TG: variants seen among roughly 807,000 people sequenced by gnomAD.
The protein encoded by TG is thyroid hormones.
In TG, 270 loss-of-function variants were observed where a neutral mutation model predicts 324.7. The ratio of observed to expected loss-of-function variants is 0.83; its 90% CI spans 0.75 to 0.92. The LOEUF (loss-of-function observed/expected upper bound fraction) is 0.92. Ranked by LOEUF, TG falls within the 40% of genes least tolerant of loss-of-function variation. TG has a pLI of 0.00. For missense variants in TG, 3,591 were observed against 3,456.4 expected (o/e 1.04, Z -0.98); for synonymous variants, 1,401 against 1,327.0 (o/e 1.06, Z -1.21).
At chr8:133,099,542 A>G (rs1848936445) in intron 43 of TG, among the ~76,000 whole-genome samples, 1 of 152,174 alleles carries the variant, frequency 6.6e-6, no homozygotes, top group Non-Finnish European at 1.5e-5. Flanking sequence ...GGTTTAGCCA[A>G]TGGCCCACTT....
Position 132,873,084 on chromosome 8 carries a change from A to G in TG, c.501A>G (p.Arg167=). 6.2e-7 allele frequency: 1 copy of G among 1,614,192 alleles called. No individual in the cohort carries two copies. Among genetic ancestry groups the G allele is most frequent in the Non-Finnish European group, 8.5e-7 (1 of 1,180,040 alleles). Residue 167 remains arginine, a synonymous_variant, in exon 5 of 48, where the codon AGA becomes AGG. Transcript: ENST00000220616. ...TAGGTCCAAGGAGCTGTGAAATAAG[A>G]AATCGTCGTCTTCTCCACGGGGTGG... The part of the protein sequence containing the change: ...PKRCPRSCEI[R]NRRLLHGVGD...
At chr8:133,065,750 G>C (rs1291220179) in intron 41 of TG, among the ~76,000 whole-genome samples, 1 of 151,546 alleles carries the variant, frequency 6.6e-6, no homozygotes, top group Non-Finnish European at 1.5e-5. Context: ...AAACAAGAGT[G>C]AAACTCCGTC....
chr8:133,035,406 T>C (rs1837008752), intron 41 of TG, among the ~76,000 whole-genome samples: 1 of 152,218 alleles, frequency 6.6e-6, no homozygotes, highest in South Asian at 2.1e-4. Context: ...CTCTGAAATT[T>C]ATTAGTACTT....
intron 11 of TG, among the ~76,000 whole-genome samples, chr8:132,896,547 A>T (rs932678181): frequency 1.3e-5 from 2 of 152,182 alleles, no homozygotes; most frequent in African/African-American, 2.4e-5. Flanking sequence ...CCCAAGTGCC[A>T]GCAGGAGTGG....
At chr8:132,940,334 T>C (rs767008132) in intron 25 of TG, among the ~76,000 whole-genome samples, 4 of 152,188 alleles carry the variant, frequency 2.6e-5, no homozygotes, top group Non-Finnish European at 4.4e-5. Flanking sequence ...GGCATAAGAA[T>C]GGGGCAGACA....
At chr8:133,035,022 G>A (rs1329004159) in intron 41 of TG, among the ~76,000 whole-genome samples, 1 of 152,076 alleles carries the variant, frequency 6.6e-6, no homozygotes, top group Non-Finnish European at 1.5e-5. Context: ...CTTCTCTATG[G>A]CTGTGTTTTC....
intron 22 of TG, among the ~76,000 whole-genome samples, chr8:132,925,786 C>T (rs1217714916): frequency 1.3e-5 from 2 of 152,152 alleles, no homozygotes; most frequent in Non-Finnish European, 2.9e-5. Context: ...CTCTTTGCAT[C>T]TCTGTCAATG....
intron 40 of TG, among the ~76,000 whole-genome samples, chr8:133,029,134 G>A (rs1480302502): frequency 1.3e-5 from 2 of 152,114 alleles, no homozygotes; most frequent in African/African-American, 4.8e-5. Flanking sequence ...AGGATCTACT[G>A]AATTCACAAG....
At chr8:133,071,181 G>A (rs1253961956) in intron 41 of TG, among the ~76,000 whole-genome samples, 1 of 152,228 alleles carries the variant, frequency 6.6e-6, no homozygotes, top group Non-Finnish European at 1.5e-5. Flanking sequence ...TTGAGGAATT[G>A]TGTGTCCTAG....
chr8:133,092,805 C>T (rs543321767), intron 41 of TG, among the ~76,000 whole-genome samples: 2 of 152,272 alleles, frequency 1.3e-5, no homozygotes, highest in African/African-American at 2.4e-5. Flanking sequence ...CTGAGTCAAC[C>T]GTTGGCTTGC....
At chr8:132,945,800 A>G (rs755835827) in intron 26 of TG, among the ~76,000 whole-genome samples, 5 of 152,156 alleles carry the variant, frequency 3.3e-5, no homozygotes, top group South Asian at 2.1e-4. Context: ...AGAGCGTTGC[A>G]TGGTGAGGAA....
At chr8:133,035,542 TA>T (rs1172599172) in intron 41 of TG, among the ~76,000 whole-genome samples, 1 of 152,232 alleles carries the variant, frequency 6.6e-6, no homozygotes, top group Non-Finnish European at 1.5e-5. Flanking sequence ...ATTTGTATAT[TA>T]AAATCTCCAA....
Position 132,869,729 on chromosome 8 carries a change from G to A in TG, c.177G>A (p.Gln59=). ...VPQCAEDGSF[Q]TVQCQNDGRS... ...CACCTGGTCTGTGTCTCCTCCTCAG[G>A]ACTGTCCAGTGCCAGAACGACGGCC... Residue 59 remains glutamine, a splice_region_variant and synonymous_variant, in exon 3 of 48, where the codon CAG becomes CAA. Transcript: ENST00000220616. 6.2e-7 allele frequency: 1 copy of A among 1,614,174 alleles called. No homozygotes were observed. Among genetic ancestry groups the A allele is most frequent in the Non-Finnish European group, 8.5e-7 (1 of 1,180,016 alleles).
At chr8:133,128,616 G>C (rs1424769859) in intron 45 of TG, among the ~76,000 whole-genome samples, 3 of 152,154 alleles carry the variant, frequency 2.0e-5, no homozygotes, top group African/African-American at 7.2e-5. Context: ...CAGTGGAAGT[G>C]GGACTTGCAC....
chr8:132,910,148 G>A (rs1454581478), intron 18 of TG, among the ~76,000 whole-genome samples: 1 of 152,162 alleles, frequency 6.6e-6, no homozygotes, highest in Non-Finnish European at 1.5e-5. Flanking sequence ...CAGGGGTGTG[G>A]CACTGGGTAT....
chr8:133,113,229 C>T (rs1418358998), intron 43 of TG, among the ~76,000 whole-genome samples, 193 bp from the exon 44 acceptor site: 1 of 152,140 alleles, frequency 6.6e-6, no homozygotes, highest in Non-Finnish European at 1.5e-5. Context: ...GAGGGATAGC[C>T]ATTTGCTTAA....
At chr8:133,049,564 A>G (rs1587882449) in intron 41 of TG, 1 of 314,214 alleles carries the variant, frequency 3.2e-6, no homozygotes, top group Non-Finnish European at 6.2e-6. Context: ...CAGAGGCAGG[A>G]TTTGAACCTA....
chr8:132,969,492 T>C lies in TG; in HGVS notation c.5898T>C (p.Thr1966=). Residue 1966 remains threonine (T), a synonymous_variant, in exon 32 of 48, where the codon ACT becomes ACC. Coordinates refer to ENST00000220616, the MANE Select transcript of TG (RefSeq NM_003235.5). ...AAGATAAAGTGAAGAACTTTTACACTCGCCTGCCGTTCCAAAAACTGATGG... is the reference window on the plus strand; with the variant it reads ...AAGATAAAGTGAAGAACTTTTACACCCGCCTGCCGTTCCAAAAACTGATGG... ...ILEDKVKNFY[T]RLPFQKLMGI... is the part of the protein sequence containing the mutation. 2 of 1,614,002 alleles carry C rather than the reference T, an allele frequency of 1.2e-6. No homozygotes were observed. Among genetic ancestry groups the C allele is most frequent in the South Asian group, 1.1e-5 (1 of 91,082 alleles).
At position 132,948,866 on chromosome 8, in the gene TG, C is replaced by G. The variant is rs754604734; in HGVS notation, c.5324C>G (p.Ala1775Gly). 26 of 1,613,952 alleles carry G rather than the reference C, an allele frequency of 1.6e-5. No homozygotes were observed. The African/African-American group carries it at 3.5e-4, about 22-fold the overall frequency. Residue 1775 changes from alanine to glycine, a missense_variant, in exon 27 of 48, where the codon GCT (alanine) becomes GGT (glycine). Coordinates refer to ENST00000220616, the MANE Select transcript of TG (RefSeq NM_003235.5). ...WMDPSEAWAN[A>G]TCPGVTYDQE... ...GATCCCTCTGAAGCCTGGGCTAATGCTACATGTCCTGGTGTGACATATGAC... is the reference window on the plus strand; with the variant it reads ...GATCCCTCTGAAGCCTGGGCTAATGGTACATGTCCTGGTGTGACATATGAC...
Sources: gnomAD v4.1 joint callset for allele counts (sites outside exome capture counted in the v4.1 genomes callset) on GRCh38, gnomAD v4.1.1 for gene constraint, MANE v1.5 for transcripts, NCBI Gene and HGNC (gene_info 2026-07-23, HGNC 2026-07-21) for gene names.